Variants in ANKS1B observed in about 807,000 individuals in gnomAD.
ANKS1B encodes the protein ankyrin repeat and sterile alpha motif domain containing 1B.
Under a neutral mutation model 148.3 loss-of-function variants are expected in ANKS1B, and 36 were observed. The observed-to-expected ratio is 0.24, with a 90% CI of 0.19 to 0.32. ANKS1B has a LOEUF of 0.32. ANKS1B is among the 10% of genes least tolerant of loss of function. The pLI is 1.00. For missense variants in ANKS1B, 1,157 were observed against 1,542.6 expected (o/e 0.75, Z 4.19); for synonymous variants, 542 against 560.8 (o/e 0.97, Z 0.47).
intron 11 of ANKS1B, among the ~76,000 whole-genome samples, chr12:99,438,326 A>G (rs1204631536): frequency 6.6e-6 from 1 of 151,850 alleles, no homozygotes; most frequent in Non-Finnish European, 1.5e-5. Context: ...CTTTGGTACT[A>G]TCTCTCTTCA....
chr12:99,826,008 TAA>T (rs2083137428), intron 1 of ANKS1B, among the ~76,000 whole-genome samples: 3 of 108,848 alleles, frequency 2.8e-5, no homozygotes, highest in African/African-American at 1.3e-4. Context: ...TGTAACTATA[TAA>T]AAGAGTCTAT....
At chr12:99,973,405 C>A (rs994887254) in intron 1 of ANKS1B, among the ~76,000 whole-genome samples, 1 of 152,116 alleles carries the variant, frequency 6.6e-6, no homozygotes, top group East Asian at 1.9e-4. Context: ...CATAGGGAAA[C>A]CCTGTCTCTA....
intron 1 of ANKS1B, among the ~76,000 whole-genome samples, chr12:99,858,383 G>C (rs551604031): frequency 2.0e-5 from 3 of 152,190 alleles, no homozygotes; most frequent in African/African-American, 4.8e-5. Context: ...AATAGATGGT[G>C]GTGTGGATGT....
chr12:99,096,579 C>T (rs1404969576), intron 15 of ANKS1B, among the ~76,000 whole-genome samples: 2 of 152,106 alleles, frequency 1.3e-5, no homozygotes, highest in Admixed American at 1.3e-4. Flanking sequence ...TTGAACTGTT[C>T]TGGGACTGGC....
intron 13 of ANKS1B, among the ~76,000 whole-genome samples, chr12:99,244,940 C>T (rs572534112): frequency 4.6e-4 from 70 of 152,296 alleles, no homozygotes; most frequent in African/African-American, 1.2e-3. Flanking sequence ...CTGCAACCTC[C>T]GCCGCCCAGG....
In ANKS1B at chr12:98,751,288, G is replaced by C. The variant is rs896162177; in HGVS notation, c.3747+67C>G. On this transcript the variant is annotated intron_variant, in intron 26 of 26. Coordinates refer to ENST00000683438, the MANE Select transcript of ANKS1B (RefSeq NM_001352186.2). This position sits in a 1 kb window ranked among gnomAD's most constrained non-coding sequence, Gnocchi z 4.3. ...CTAATGGCACCCACACCACACAAGG[G>C]CCTGGTTAGCAGCCCCTTTTCCTCC... The C allele has an allele frequency of 3.9e-6, 6 of 1,523,500 alleles. No individual in the cohort carries two copies. In the African/African-American group the frequency reaches 8.3e-5, roughly 21 times the overall value. The allele number at this position is 1,523,500 out of a possible 1,614,324, so 94.4% of individuals were successfully genotyped here.
intron 10 of ANKS1B, among the ~76,000 whole-genome samples, chr12:99,477,117 G>A (rs906097324): frequency 4.6e-5 from 7 of 152,126 alleles, no homozygotes; most frequent in Admixed American, 3.3e-4. Flanking sequence ...GATCTCAGAA[G>A]TGACATGCAT....
chr12:98,822,146 T>C (rs1271690168), intron 19 of ANKS1B, among the ~76,000 whole-genome samples: 1 of 152,114 alleles, frequency 6.6e-6, no homozygotes, highest in African/African-American at 2.4e-5. Flanking sequence ...TGAGTTGGAT[T>C]TTTTGTTACT....
At chr12:99,545,695 A>G (rs1002824629) in intron 9 of ANKS1B, among the ~76,000 whole-genome samples, 13 of 151,460 alleles carry the variant, frequency 8.6e-5, no homozygotes, top group African/African-American at 1.2e-4. Context: ...ATTTATCATC[A>G]TAAGATCAAC....
intron 8 of ANKS1B, among the ~76,000 whole-genome samples, chr12:99,686,949 A>G (rs1268673258): frequency 6.6e-6 from 1 of 152,166 alleles, no homozygotes; most frequent in African/African-American, 2.4e-5. Context: ...ATTTTTTGGT[A>G]GAGCAAACTT....
chr12:99,389,779 T>A (rs942892254), intron 12 of ANKS1B, among the ~76,000 whole-genome samples: 1 of 152,014 alleles, frequency 6.6e-6, no homozygotes, highest in Non-Finnish European at 1.5e-5. Flanking sequence ...ATTGAGTTAA[T>A]AAAAAATTGA....
At position 98,751,365 on chromosome 12, in the gene ANKS1B, C is replaced by T. The variant is rs912602945; in HGVS notation, c.3737G>A (p.Arg1246His). The T allele has an allele frequency of 7.4e-6, 12 of 1,613,476 alleles. No homozygotes were observed. Among genetic ancestry groups the T allele is most frequent in the African/African-American group, 1.3e-5 (1 of 74,898 alleles). ...KPIPKPRVSI[R>H]KSVQIDPSEQ... is the part of the protein sequence containing the mutation. ...ATCGTTTCTACTTACCACGGACTTG[C>T]GAATGCTAACGCGGGGCTTGGGGAT... The change falls in exon 26 of 27, where the codon CGC (arginine) becomes CAC (histidine). Residue 1246 changes from arginine to histidine, a missense_variant. Transcript: ENST00000683438. The surrounding 1 kb of genome is among the most constrained non-coding windows in gnomAD (Gnocchi z 4.3).
intron 1 of ANKS1B, among the ~76,000 whole-genome samples, chr12:99,897,790 G>A (rs891805806): frequency 6.7e-6 from 1 of 148,954 alleles, no homozygotes; most frequent in Non-Finnish European, 1.5e-5. Context: ...GATAGGTAGG[G>A]ATATAGAAAG....
At position 99,868,147 on chromosome 12, in the gene ANKS1B, G is replaced by T. The variant is rs569098483; in HGVS notation, c.135-42758C>A. ...CTGGCAATAAAATGAAACTGCCTTG[G>T]ACTGATAAAGCAAATCCAAAGAATT... is the stretch of plus-strand genomic sequence containing the variant. On this transcript the variant is annotated intron_variant, in intron 1 of 26. Coordinates refer to ENST00000683438, the MANE Select transcript of ANKS1B (RefSeq NM_001352186.2). Among the ~76,000 whole-genome samples the T allele has an allele frequency of 5.4e-4, 82 of 152,226 alleles. 1 individual carries two copies. Among genetic ancestry groups the T allele is most frequent in the African/African-American group, 2.0e-3 (82 of 41,548 alleles).
At chr12:99,752,479 G>A (rs79484937) in intron 8 of ANKS1B, among the ~76,000 whole-genome samples, 2,386 of 151,992 alleles carry the variant, frequency 0.016, 79 homozygotes, top group African/African-American at 0.055. Flanking sequence ...TAGGTATAAC[G>A]AATGTTTACT....
intron 17 of ANKS1B, among the ~76,000 whole-genome samples, chr12:98,911,910 C>T (rs2099787341): frequency 6.6e-6 from 1 of 152,218 alleles, no homozygotes; most frequent in South Asian, 2.1e-4. Flanking sequence ...CCTTTCCTAT[C>T]CCTCAGGGAC....
chr12:99,189,207 A>G (rs2080300126), intron 14 of ANKS1B, among the ~76,000 whole-genome samples: 1 of 152,192 alleles, frequency 6.6e-6, no homozygotes, highest in Non-Finnish European at 1.5e-5. Flanking sequence ...TGAATAGCCT[A>G]CCAACCAAAA....
chr12:98,837,047 G>C (rs1444334150), intron 17 of ANKS1B, among the ~76,000 whole-genome samples: 1 of 152,038 alleles, frequency 6.6e-6, no homozygotes, highest in East Asian at 1.9e-4. Context: ...AGAAATAAAA[G>C]TTGGCCAGGC....
chr12:99,108,579 T>C (rs1404562101), intron 15 of ANKS1B, among the ~76,000 whole-genome samples: 1 of 152,070 alleles, frequency 6.6e-6, no homozygotes, highest in African/African-American at 2.4e-5. Context: ...CAATTATAAA[T>C]AGATAAAGAA....
Sources: allele counts gnomAD v4.1 joint callset (sites outside exome capture counted in the v4.1 genomes callset), GRCh38; gene constraint gnomAD v4.1.1; non-coding constraint Gnocchi (gnomAD v3.1); transcripts MANE v1.5; gene names NCBI Gene and HGNC (gene_info 2026-07-23, HGNC 2026-07-21).